TRIM5: variants seen among roughly 807,000 people sequenced by gnomAD.
TRIM5 encodes tripartite motif containing 5, also known as tripartite motif-containing protein 5.
A neutral mutation model predicts 35.6 loss-of-function variants in TRIM5; 31 were observed. That is an observed-to-expected ratio of 0.87 (90% CI 0.65 to 1.18). The LOEUF (loss-of-function observed/expected upper bound fraction) is 1.18, where lower values mean the gene tolerates loss of function less well. Among genes scored for constraint, TRIM5 ranks in the 50% most tolerant of loss-of-function variants. The pLI, the probability that TRIM5 is intolerant of heterozygous loss-of-function variation, is 0.00. For synonymous variants in TRIM5, 243 were observed against 215.6 expected (o/e 1.13, Z -1.11); for missense variants, 609 against 591.6 (o/e 1.03, Z -0.31).
At chr11:5,672,329 A>T (rs959415091) in intron 4 of TRIM5, among the ~76,000 whole-genome samples, 9 of 151,962 alleles carry the variant, frequency 5.9e-5, no homozygotes, top group Admixed American at 5.9e-4. Flanking sequence ...CTCCTGCCTC[A>T]GTTTCTCAAG....
the TRIM5 span, chr11:5,596,912 G>A: frequency 6.2e-7 from 1 of 1,614,072 alleles, no homozygotes. Context: ...GCGGGTCAGA[G>A]AGGTATGTCT....
chr11:5,598,526 AT>A, the TRIM5 span, among the ~76,000 whole-genome samples: 5 of 152,360 alleles, frequency 3.3e-5, no homozygotes, highest in African/African-American at 7.2e-5. Flanking sequence ...AGCGGGTGAA[AT>A]TAATTTTAAT....
chr11:5,616,752 T>TC, the TRIM5 span, among the ~76,000 whole-genome samples: 2 of 118,222 alleles, frequency 1.7e-5, 1 homozygote, highest in Non-Finnish European at 3.6e-5. Flanking sequence ...TTTTTTTTTT[T>TC]CCTTGAGATG....
the TRIM5 span, among the ~76,000 whole-genome samples, chr11:5,629,964 C>T: frequency 3.3e-5 from 5 of 152,124 alleles, no homozygotes; most frequent in Admixed American, 2.0e-4. Context: ...CCTCGGCCTC[C>T]CAAAGTGCTG....
the TRIM5 span, chr11:5,644,061 A>C: frequency 2.4e-6 from 1 of 416,224 alleles, no homozygotes; most frequent in Non-Finnish European, 4.2e-6. Flanking sequence ...AACCACCCCC[A>C]TGACCACCAC....
chr11:5,642,342 T>C, the TRIM5 span: 6 of 1,442,098 alleles, frequency 4.2e-6, no homozygotes, highest in South Asian at 6.1e-5. Context: ...ATGAAACCAG[T>C]GATGTGGGAG....
At chr11:5,611,156 A>T in the TRIM5 span, 1 of 1,614,186 alleles carries the variant, frequency 6.2e-7, no homozygotes, top group Non-Finnish European at 8.5e-7. Flanking sequence ...TCTCCATGAC[A>T]GTGCCCCCTC....
chr11:5,639,678 T>TTA, the TRIM5 span, among the ~76,000 whole-genome samples: 1 of 16,736 alleles, frequency 6.0e-5, no homozygotes, highest in Admixed American at 5.9e-4. Context: ...AGACTCTATT[T>TTA]CAAAAAAAAA....
At chr11:5,634,199 AG>A in the TRIM5 span, among the ~76,000 whole-genome samples, 44 of 152,244 alleles carry the variant, frequency 2.9e-4, no homozygotes, top group African/African-American at 1.1e-3. Flanking sequence ...CACTACATAA[AG>A]GACTATGGTT....
At chr11:5,635,878 G>A in the TRIM5 span, among the ~76,000 whole-genome samples, 309 of 152,246 alleles carry the variant, frequency 2.0e-3, 6 homozygotes, top group East Asian at 0.055. Context: ...AAAAAAGATG[G>A]ACAATACCAA....
At chr11:5,649,144 A>C in the TRIM5 span, among the ~76,000 whole-genome samples, 1 of 152,214 alleles carries the variant, frequency 6.6e-6, no homozygotes, top group Non-Finnish European at 1.5e-5. Flanking sequence ...TAATATATTC[A>C]GTAGTGAAGG....
At chr11:5,633,367 G>A in the TRIM5 span, among the ~76,000 whole-genome samples, 3 of 151,966 alleles carry the variant, frequency 2.0e-5, no homozygotes, top group African/African-American at 7.3e-5. Flanking sequence ...CATAACAGAT[G>A]ATCCTAGAGT....
Position 5,663,392 on chromosome 11 carries a change from GAATTGAAGTCATTTTGACAGT to G in TRIM5, c.*1396_*1416del. ...ATGTGTGTATTATATATAGAAGGCA[GAATTGAAGTCATTTTGACAGT>G]AGTATCTGAGATCTAAAAAATGAGA... On this transcript the variant is annotated 3_prime_UTR_variant, in exon 8 of 8. Transcript: ENST00000380034. 1 of 978,842 alleles carries G rather than the reference GAATTGAAGTCATTTTGACAGT, an allele frequency of 1.0e-6. No individual in the cohort carries two copies. Among genetic ancestry groups the G allele is most frequent in the Non-Finnish European group, 1.2e-6 (1 of 823,960 alleles). The allele number at this position is 978,842 out of a possible 1,614,324, so 60.6% of individuals were successfully genotyped here.
the TRIM5 span, chr11:5,643,027 A>C: frequency 2.3e-6 from 3 of 1,292,326 alleles, no homozygotes; most frequent in African/African-American, 4.5e-5. Flanking sequence ...TCACTTCCCA[A>C]GTTCGTTCAT....
chr11:5,631,597 A>C, the TRIM5 span, among the ~76,000 whole-genome samples: 1 of 152,192 alleles, frequency 6.6e-6, no homozygotes, highest in Non-Finnish European at 1.5e-5. Context: ...CTGTGAGGGC[A>C]TGGGAGGATT....
the TRIM5 span, among the ~76,000 whole-genome samples, chr11:5,617,631 G>A: frequency 7.8e-3 from 1,114 of 142,716 alleles, 99 homozygotes; most frequent in African/African-American, 0.026. Flanking sequence ...TGGGATTACA[G>A]GCATCAACCA....
chr11:5,636,778 T>C, the TRIM5 span, among the ~76,000 whole-genome samples: 2 of 152,342 alleles, frequency 1.3e-5, no homozygotes, highest in South Asian at 4.1e-4. Flanking sequence ...CTTCAAAGAA[T>C]GGCAAATGGA....
chr11:5,595,131 A>G, the TRIM5 span: 1 of 152,038 alleles, frequency 6.6e-6, no homozygotes, highest in African/African-American at 2.4e-5. Context: ...CTCTCTCCCT[A>G]CTGCCCAATC....
chr11:5,599,268 G>A, the TRIM5 span, among the ~76,000 whole-genome samples: 9 of 152,256 alleles, frequency 5.9e-5, no homozygotes, highest in East Asian at 1.7e-3. Flanking sequence ...TCTCCTTCAA[G>A]AGAATTGGGT....
Sources: gnomAD v4.1 joint callset for allele counts (sites outside exome capture counted in the v4.1 genomes callset) on GRCh38, gnomAD v4.1.1 for gene constraint, MANE v1.5 for transcripts, NCBI Gene and HGNC (gene_info 2026-07-23, HGNC 2026-07-21) for gene names.